COMMD1: variants seen among roughly 807,000 people sequenced by gnomAD.
COMMD1 encodes the protein COMM domain-containing protein 1.
In COMMD1, 10 loss-of-function variants were observed where a neutral mutation model predicts 17.2. The ratio of observed to expected loss-of-function variants is 0.58; its 90% CI spans 0.36 to 0.99. The LOEUF is 0.99. Ranked by LOEUF, COMMD1 falls within the 50% of genes least tolerant of loss-of-function variation. The probability of loss-of-function intolerance (pLI) is 0.01; values close to 1 mark genes in which losing one functional copy is unlikely to be tolerated. For missense variants in COMMD1, 270 were observed against 231.8 expected (o/e 1.17, Z -1.07); for synonymous variants, 97 against 91.6 (o/e 1.06, Z -0.34).
intron 2 of COMMD1, among the ~76,000 whole-genome samples, chr2:62,128,746 A>G (rs1291380184): frequency 6.6e-6 from 1 of 152,060 alleles, no homozygotes; most frequent in African/African-American, 2.4e-5. Flanking sequence ...AAGTCAGGAG[A>G]TTGAGACCAT....
intron 2 of COMMD1, among the ~76,000 whole-genome samples, chr2:62,093,600 G>A (rs1323214287): frequency 6.6e-6 from 1 of 152,176 alleles, no homozygotes; most frequent in Non-Finnish European, 1.5e-5. Context: ...TAGGACGAAA[G>A]GTACATTGCC....
At chr2:62,098,897 T>TC (rs1672095042) in intron 2 of COMMD1, among the ~76,000 whole-genome samples, 3 of 152,204 alleles carry the variant, frequency 2.0e-5, no homozygotes, top group African/African-American at 7.2e-5. Context: ...GGATCATAAG[T>TC]CTTAAGTGTT....
intron 1 of COMMD1, among the ~76,000 whole-genome samples, chr2:61,996,012 A>G (rs1668745811): frequency 1.3e-5 from 2 of 152,188 alleles, no homozygotes; most frequent in Non-Finnish European, 2.9e-5. Flanking sequence ...ATCATACTAC[A>G]CTATATTAAG....
At chr2:61,993,251 G>T (rs1172346700) in intron 1 of COMMD1, among the ~76,000 whole-genome samples, 5 of 152,220 alleles carry the variant, frequency 3.3e-5, no homozygotes, top group Admixed American at 2.6e-4. Flanking sequence ...CCAGCTAGTA[G>T]GGACAGATCA....
chr2:62,051,875 G>T (rs1266724844), intron 2 of COMMD1, among the ~76,000 whole-genome samples: 3 of 152,198 alleles, frequency 2.0e-5, no homozygotes, highest in Non-Finnish European at 2.9e-5. Context: ...TTAGCATTCG[G>T]TGACTATGCC....
In COMMD1 at chr2:61,975,570, A is replaced by AT. The variant is rs146371510; in HGVS notation, c.181-25124dup. 3.1e-3 allele frequency among the ~76,000 whole-genome samples: 464 copies of AT among 152,110 alleles called. 11 individuals carry two copies. In the East Asian group the frequency reaches 0.064, roughly 21 times the overall value. On this transcript the variant is annotated intron_variant, in intron 1 of 2. Coordinates refer to ENST00000311832, the MANE Select transcript of COMMD1 (RefSeq NM_152516.4). ...CTGCATCTATTGATAGAATTATATG[A>AT]TTTTTTTATATGATCTTTCTGTAAA...
At chr2:62,017,243 C>G (rs756547737) in intron 2 of COMMD1, among the ~76,000 whole-genome samples, 1 of 152,150 alleles carries the variant, frequency 6.6e-6, no homozygotes, top group Non-Finnish European at 1.5e-5. Context: ...AAAGCCTGAA[C>G]TGAATTATGA....
chr2:61,913,634 A>G (rs115036332), intron 1 of COMMD1, among the ~76,000 whole-genome samples: 4,321 of 150,794 alleles, frequency 0.029, 105 homozygotes, highest in Non-Finnish European at 0.044. Context: ...GGCTCTACTA[A>G]AAATACAAAA....
At chr2:61,895,681 G>T (rs1389344616) in intron 1 of COMMD1, among the ~76,000 whole-genome samples, 1 of 152,140 alleles carries the variant, frequency 6.6e-6, no homozygotes, top group Admixed American at 6.6e-5. Flanking sequence ...TTTGCCTGTG[G>T]ACCCTGAAGC....
At chr2:62,057,568 C>T (rs1028975663) in intron 2 of COMMD1, among the ~76,000 whole-genome samples, 2 of 151,928 alleles carry the variant, frequency 1.3e-5, no homozygotes, top group Non-Finnish European at 2.9e-5. Context: ...TCATTCAGTT[C>T]AAAATATTTT....
chr2:62,024,263 C>A (rs1170955832), intron 2 of COMMD1, among the ~76,000 whole-genome samples: 1 of 152,086 alleles, frequency 6.6e-6, no homozygotes, highest in African/African-American at 2.4e-5. Flanking sequence ...GTAACTCATG[C>A]TGGAGTGCAG....
chr2:61,927,366 A>G (rs1572969981), intron 1 of COMMD1, among the ~76,000 whole-genome samples: 1 of 152,106 alleles, frequency 6.6e-6, no homozygotes, highest in Admixed American at 6.6e-5. Flanking sequence ...GGTGATGTGA[A>G]CTTTAGCATG....
At chr2:61,916,162 A>T (rs1357136649) in intron 1 of COMMD1, among the ~76,000 whole-genome samples, 1 of 152,042 alleles carries the variant, frequency 6.6e-6, no homozygotes, top group African/African-American at 2.4e-5. Flanking sequence ...GGGTTTCACC[A>T]TGTTGCCCAG....
intron 2 of COMMD1, among the ~76,000 whole-genome samples, chr2:62,063,469 C>T (rs1322017126): frequency 1.3e-5 from 2 of 152,018 alleles, no homozygotes; most frequent in East Asian, 1.9e-4. Flanking sequence ...GGATTACAGG[C>T]GTGAGCCACC....
At chr2:62,021,926 G>A (rs1425042464) in intron 2 of COMMD1, among the ~76,000 whole-genome samples, 2 of 152,124 alleles carry the variant, frequency 1.3e-5, no homozygotes, top group Non-Finnish European at 2.9e-5. Flanking sequence ...GTTTTCTTCT[G>A]TAGAATGTCT....
intron 1 of COMMD1, among the ~76,000 whole-genome samples, chr2:61,914,821 G>A (rs1347424014): frequency 6.6e-6 from 1 of 151,316 alleles, no homozygotes; most frequent in Non-Finnish European, 1.5e-5. Flanking sequence ...CACCCGAGTG[G>A]CTGGGATTAC....
intron 1 of COMMD1, among the ~76,000 whole-genome samples, chr2:61,906,630 G>C (rs1233453511): frequency 8.8e-6 from 1 of 114,054 alleles, no homozygotes; most frequent in African/African-American, 5.6e-5. Context: ...CTAGTTATAG[G>C]AATGTAGTGT....
chr2:62,102,980 C>T (rs1258389324), intron 2 of COMMD1, among the ~76,000 whole-genome samples: 51 of 140,814 alleles, frequency 3.6e-4, no homozygotes, highest in African/African-American at 1.3e-3. Flanking sequence ...CTTTTTCTTT[C>T]TTTTTTTTTT....
rs564097716 is a variant in COMMD1, at chr2:61,953,080, G to A, written c.180+47222G>A. Among the ~76,000 whole-genome samples the A allele has an allele frequency of 1.1e-4, 16 of 152,256 alleles. No individual in the cohort carries two copies. In the South Asian group the frequency reaches 2.9e-3, roughly 28 times the overall value. On this transcript the variant is annotated intron_variant, in intron 1 of 2. Coordinates refer to ENST00000311832, the MANE Select transcript of COMMD1 (RefSeq NM_152516.4). ...GCTGGAGTGCAGTGGCATGATCTCA[G>A]CTCACTGAAACCTCCACCTCCTGAG...
Sources: gnomAD v4.1 joint callset for allele counts (sites outside exome capture counted in the v4.1 genomes callset) on GRCh38, gnomAD v4.1.1 for gene constraint, MANE v1.5 for transcripts, NCBI Gene and HGNC (gene_info 2026-07-23, HGNC 2026-07-21) for gene names.